The following ZNF714 variants were observed in gnomAD, a reference collection of about 807,000 sequenced individuals.
ZNF714 encodes zinc finger protein 714.
Under a neutral mutation model 46.2 loss-of-function variants are expected in ZNF714, and 32 were observed. The observed-to-expected ratio is 0.69, with a 90% CI of 0.52 to 0.93. The LOEUF is 0.93. Among genes scored for constraint, ZNF714 ranks in the 40% least tolerant of loss-of-function variants. ZNF714 has a pLI of 0.00. For missense variants in ZNF714, 635 were observed against 646.3 expected, an observed-to-expected ratio of 0.98 and a Z score of 0.19; for synonymous variants, 199 against 213.1, an observed-to-expected ratio of 0.93 and a Z score of 0.58.
chr19:21,085,970 C>A (rs559550828), intron 2 of ZNF714, among the ~76,000 whole-genome samples: 3 of 150,944 alleles, frequency 2.0e-5, no homozygotes, highest in South Asian at 4.2e-4. Flanking sequence ...TTTAGGCCAA[C>A]AAGGGCTTTC....
intron 2 of ZNF714, among the ~76,000 whole-genome samples, chr19:21,095,338 G>A (rs564339669): frequency 1.6e-4 from 25 of 152,194 alleles, no homozygotes; most frequent in South Asian, 6.2e-4. Flanking sequence ...TAGATCATGC[G>A]CCTGCTCTTT....
intron 4 of ZNF714, among the ~76,000 whole-genome samples, chr19:21,108,093 T>A (rs1599547838): frequency 6.6e-6 from 1 of 152,212 alleles, no homozygotes. Flanking sequence ...CTCGCTAATT[T>A]TTTTGGTTAT....
At chr19:21,106,120 T>TG (rs1169506920) in intron 4 of ZNF714, among the ~76,000 whole-genome samples, 4 of 151,936 alleles carry the variant, frequency 2.6e-5, no homozygotes, top group Non-Finnish European at 5.9e-5. Flanking sequence ...CTGGACATTG[T>TG]GGCATGTGCC....
At position 21,117,633 on chromosome 19, in the gene ZNF714, C is replaced by G; in HGVS notation, c.969C>G (p.Asn323Lys). The G allele has an allele frequency of 6.2e-7, 1 of 1,612,910 alleles. No homozygotes were observed. Among genetic ancestry groups the G allele is most frequent in the Non-Finnish European group, 8.5e-7 (1 of 1,179,504 alleles). Residue 323 changes from asparagine (N) to lysine (K), a missense_variant, in exon 5 of 5, where the codon AAC becomes AAG. Physicochemically the swap from Asn to Lys is moderately conservative, Grantham distance 94 (BLOSUM62 0). Transcript: ENST00000456283. ...YKCEQCGKGF[N>K]WSSTLTKHKR... ...GTGAACAATGTGGCAAAGGCTTTAA[C>G]TGGTCTTCAACCCTTACAAAACATA...
At chr19:21,098,339 T>TA in intron 3 of ZNF714, 28 bp downstream of exon 3, 1 of 1,600,562 alleles carries the variant, frequency 6.2e-7, no homozygotes, top group Non-Finnish European at 8.5e-7. Context: ...ACATAAGTCT[T>TA]AATATACCCT....
chr19:21,082,374 G>C (rs556516493), intron 1 of ZNF714, 26 bp downstream of exon 1: 3 of 1,456,150 alleles, frequency 2.1e-6, no homozygotes, highest in Admixed American at 1.8e-5. Flanking sequence ...CCGACATCCC[G>C]AGAGAGGGGA....
rs1969632774 is a variant in ZNF714, at chr19:21,117,732, T to C, written c.1068T>C (p.Leu356=). ...AAGCCTTTAATGTGTCTTCACACCT[T>C]ACTACACATAAGATGATTCATACTG... ...CGKAFNVSSH[L]TTHKMIHTGE... The change falls in exon 5 of 5, where the codon CTT becomes CTC. Residue 356 remains leucine (L), a synonymous_variant. Transcript: ENST00000456283. 1 of 1,613,422 alleles carries C rather than the reference T, an allele frequency of 6.2e-7. No individual in the cohort carries two copies. Among genetic ancestry groups the C allele is most frequent in the African/African-American group, 1.3e-5 (1 of 74,896 alleles).
At chr19:21,105,993 G>C (rs1057094334) in intron 4 of ZNF714, among the ~76,000 whole-genome samples, 1 of 151,948 alleles carries the variant, frequency 6.6e-6, no homozygotes, top group Non-Finnish European at 1.5e-5. Context: ...GCATATGCCT[G>C]TAATTCCAGC....
chr19:21,123,288 T>C lies in ZNF714; in HGVS notation c.*4956T>C, dbSNP rs1388235588. On this transcript the variant is annotated 3_prime_UTR_variant, in exon 5 of 5. Transcript: ENST00000456283. ...AAAGTGTGGCAAATATAAAACTTGC[T>C]TGAAAATATGGAAATTAAATTTTTA... 6.6e-6 allele frequency: 1 copy of C among 152,154 alleles called. No homozygotes were observed. The highest frequency in any genetic ancestry group is 1.5e-5 in the Non-Finnish European group (1 of 68,016). 9.4% of individuals were successfully genotyped at this position (152,154 alleles called of 1,614,324 possible). A position where few individuals can be genotyped will look rare whatever the true frequency, so the allele number is the denominator to read the frequency against.
Position 21,082,653 on chromosome 19 carries a change from C to T in ZNF714, c.-177+305C>T, listed in dbSNP as rs549338829. On this transcript the variant is annotated intron_variant, in intron 1 of 4. Transcript: ENST00000456283. The stretch of plus-strand genomic sequence containing the variant: ...GATTGTGCAGGGACCACTGGAGGGT[C>T]CCAGGGGTAGAATCCTGACTCGGGG... Among the ~76,000 whole-genome samples the T allele has an allele frequency of 8.3e-4, 126 of 152,048 alleles. 2 individuals carry two copies. The highest frequency in any genetic ancestry group is 2.6e-4 in the Non-Finnish European group (18 of 67,984).
chr19:21,088,156 T>C (rs1008935968), intron 2 of ZNF714, among the ~76,000 whole-genome samples: 2 of 152,182 alleles, frequency 1.3e-5, no homozygotes, highest in African/African-American at 4.8e-5. Context: ...GAGAAGTCTT[T>C]AAGAGGCCTA....
chr19:21,108,730 T>C (rs1969379479), intron 4 of ZNF714, among the ~76,000 whole-genome samples: 1 of 152,208 alleles, frequency 6.6e-6, no homozygotes, highest in African/African-American at 2.4e-5. Flanking sequence ...AGTTATACAC[T>C]CAGGTATTCC....
chr19:21,117,639 T>A lies in ZNF714; in HGVS notation c.975T>A (p.Ser325=). 1.2e-6 allele frequency: 2 copies of A among 1,609,486 alleles called. No homozygotes were observed. Among genetic ancestry groups the A allele is most frequent in the Non-Finnish European group, 1.7e-6 (2 of 1,178,448 alleles). The change falls in exon 5 of 5, where the codon TCT becomes TCA. Residue 325 remains serine (S), a synonymous_variant. Coordinates refer to ENST00000456283, the MANE Select transcript of ZNF714 (RefSeq NM_182515.4). The part of the protein sequence containing the change: ...CEQCGKGFNW[S]STLTKHKRIH... ...AATGTGGCAAAGGCTTTAACTGGTC[T>A]TCAACCCTTACAAAACATAAAAGAA...
rs1337477544 is a variant in ZNF714 at position 21,122,406 on chromosome 19, T to A, written c.*4074T>A. 2 of 152,098 alleles carry A rather than the reference T, an allele frequency of 1.3e-5. No homozygotes were observed. Among genetic ancestry groups the A allele is most frequent in the Non-Finnish European group, 2.9e-5 (2 of 68,010 alleles). 9.4% of individuals were successfully genotyped at this position (152,098 alleles called of 1,614,324 possible). On this transcript the variant is annotated 3_prime_UTR_variant, in exon 5 of 5. Coordinates refer to ENST00000456283, the MANE Select transcript of ZNF714 (RefSeq NM_182515.4). ...CCGAGGCAGATGGATCACCTGAGGT[T>A]AGGAGTTTCAGACCAGCCTGGTGAA...
chr19:21,082,412 G>A (rs1208622882), intron 1 of ZNF714, 64 bp downstream of exon 1: 5 of 1,417,452 alleles, frequency 3.5e-6, no homozygotes, highest in Non-Finnish European at 4.8e-6. Context: ...GGTGGGAAGT[G>A]GCTGTGGTGG....
chr19:21,088,597 A>C (rs187860366), intron 2 of ZNF714, among the ~76,000 whole-genome samples: 42 of 152,328 alleles, frequency 2.8e-4, no homozygotes, highest in African/African-American at 6.5e-4. Context: ...TTTTTATTTC[A>C]AAAAGATTAC....
intron 2 of ZNF714, among the ~76,000 whole-genome samples, chr19:21,090,078 C>G (rs1968874485): frequency 6.6e-6 from 1 of 152,248 alleles, no homozygotes; most frequent in African/African-American, 2.4e-5. Context: ...TCCTTAGCAA[C>G]CAATATCAAA....
At chr19:21,110,711 T>C (rs1475517163) in intron 4 of ZNF714, among the ~76,000 whole-genome samples, 2 of 152,194 alleles carry the variant, frequency 1.3e-5, no homozygotes, top group Non-Finnish European at 2.9e-5. Flanking sequence ...AGGGTTCTTG[T>C]AGTTTTGGGT....
rs1336716077 is a variant in ZNF714, at chr19:21,118,764, TG to T, written c.*434del. On this transcript the variant is annotated 3_prime_UTR_variant, in exon 5 of 5. Transcript: ENST00000456283. ...AGAAACTCTGCAAACCAGAAAGATC[TG>T]GCAATGCTTTTGACAACACCTCAAA... 4.9e-6 allele frequency: 1 copy of T among 206,118 alleles called. No homozygotes were observed. The highest frequency in any genetic ancestry group is 1.8e-4 in the East Asian group (1 of 5,708). 12.8% of individuals were successfully genotyped at this position (206,118 alleles called of 1,614,324 possible). A position where few individuals can be genotyped will look rare whatever the true frequency, so the allele number is the denominator to read the frequency against.
Sources: allele counts gnomAD v4.1 joint callset (sites outside exome capture counted in the v4.1 genomes callset), GRCh38; gene constraint gnomAD v4.1.1; transcripts MANE v1.5; gene names NCBI Gene and HGNC (gene_info 2026-07-23, HGNC 2026-07-21).